PLD5: variants seen among roughly 807,000 people sequenced by gnomAD.
The protein encoded by PLD5 is phospholipase D family member 5.
In PLD5, 36 loss-of-function variants were observed where a neutral mutation model predicts 61.1. That is an observed-to-expected ratio of 0.59 (90% CI 0.45 to 0.78). PLD5 has a LOEUF of 0.78. Among genes scored for constraint, PLD5 ranks in the 30% least tolerant of loss-of-function variants. The pLI is 0.00. For synonymous variants in PLD5, 243 were observed against 242.8 expected, an observed-to-expected ratio of 1.00 and a Z score of -0.01; for missense variants, 515 against 644.4, an observed-to-expected ratio of 0.80 and a Z score of 2.17.
chr1:242,398,800 A>G (rs186790421), intron 1 of PLD5, among the ~76,000 whole-genome samples: 1 of 152,320 alleles, frequency 6.6e-6, no homozygotes, highest in East Asian at 1.9e-4. Context: ...TAGTTATTAA[A>G]ACGTCAGACT....
At chr1:242,411,242 T>TTTTGC (rs1664534108) in intron 1 of PLD5, among the ~76,000 whole-genome samples, 1 of 151,926 alleles carries the variant, frequency 6.6e-6, no homozygotes, top group Non-Finnish European at 1.5e-5. Context: ...TTTTGTTTTG[T>TTTTGC]TTTGTTTTTG....
chr1:242,183,707 A>G (rs574904579), intron 5 of PLD5, among the ~76,000 whole-genome samples: 244 of 152,302 alleles, frequency 1.6e-3, no homozygotes, highest in Non-Finnish European at 1.9e-3. Flanking sequence ...CATCTTGGCT[A>G]ACACGGTGAA....
intron 5 of PLD5, among the ~76,000 whole-genome samples, chr1:242,194,618 G>GTATCTATGTATCTATC (rs1668505608): frequency 9.7e-6 from 1 of 102,946 alleles, no homozygotes; most frequent in African/African-American, 3.9e-5. Flanking sequence ...ATCTATCTAT[G>GTATCTATGTATCTATC]TATCTATCTA....
chr1:242,168,845 A>ATTTTTTTTTTTTTT (rs1574439363), intron 5 of PLD5, among the ~76,000 whole-genome samples: 2 of 29,240 alleles, frequency 6.8e-5, no homozygotes, highest in African/African-American at 1.8e-4. Flanking sequence ...TAATTAATGA[A>ATTTTTTTTTTTTTT]GTTTTTTTTT....
intron 1 of PLD5, chr1:242,449,428 A>T: frequency 6.5e-7 from 1 of 1,535,846 alleles, no homozygotes; most frequent in Non-Finnish European, 8.7e-7. Flanking sequence ...TGCTTCCCAC[A>T]GCCTCTGGAG....
At chr1:242,475,954 G>A (rs79271472) in intron 1 of PLD5, among the ~76,000 whole-genome samples, 7,625 of 152,192 alleles carry the variant, frequency 0.05, 248 homozygotes, top group Middle Eastern at 0.061. Flanking sequence ...TGCCACCTCA[G>A]TCTTGGACTC....
chr1:242,465,940 G>T (rs1048019045), intron 1 of PLD5, among the ~76,000 whole-genome samples: 10 of 152,032 alleles, frequency 6.6e-5, no homozygotes, highest in African/African-American at 2.2e-4. Flanking sequence ...TGGAGGGAAA[G>T]AAAACAGAAA....
chr1:242,188,728 A>G (rs1260258176), intron 5 of PLD5: 1 of 152,230 alleles, frequency 6.6e-6, no homozygotes, highest in Non-Finnish European at 1.5e-5. Flanking sequence ...AGCTACTCAT[A>G]CACCCTTGAA....
intron 4 of PLD5, among the ~76,000 whole-genome samples, chr1:242,247,129 G>A (rs1464568243): frequency 4.6e-5 from 7 of 152,072 alleles, no homozygotes; most frequent in African/African-American, 1.2e-4. Flanking sequence ...GACTACAGGC[G>A]CCCGCCACCA....
intron 1 of PLD5, among the ~76,000 whole-genome samples, chr1:242,400,125 G>C (rs1663837476): frequency 6.6e-6 from 1 of 151,912 alleles, no homozygotes; most frequent in African/African-American, 2.4e-5. Context: ...CTGAGATGGT[G>C]CCATTGCACT....
chr1:242,113,268 T>C (rs1348748291), intron 7 of PLD5, among the ~76,000 whole-genome samples: 2 of 152,102 alleles, frequency 1.3e-5, no homozygotes, highest in East Asian at 3.9e-4. Context: ...TTTGTTTTTG[T>C]ATTTTTAGTG....
chr1:242,348,573 A>C (rs575940497), intron 1 of PLD5, among the ~76,000 whole-genome samples: 22 of 152,310 alleles, frequency 1.4e-4, no homozygotes, highest in African/African-American at 5.1e-4. Flanking sequence ...ATTAAAAATG[A>C]AACACATATG....
intron 1 of PLD5, among the ~76,000 whole-genome samples, chr1:242,407,179 G>A (rs772955147): frequency 6.6e-6 from 1 of 152,070 alleles, no homozygotes; most frequent in Non-Finnish European, 1.5e-5. Flanking sequence ...GAGTTTCCCT[G>A]CACAAGCTTT....
intron 1 of PLD5, among the ~76,000 whole-genome samples, chr1:242,494,979 A>G (rs898357552): frequency 1.1e-4 from 16 of 148,848 alleles, no homozygotes; most frequent in Admixed American, 8.1e-4. Flanking sequence ...GGGAGCCTGT[A>G]TGGTTATCTA....
intron 2 of PLD5, among the ~76,000 whole-genome samples, chr1:242,347,807 T>G (rs1464857737): frequency 6.6e-6 from 1 of 152,194 alleles, no homozygotes; most frequent in African/African-American, 2.4e-5. Flanking sequence ...TACAGGCTCA[T>G]CATGAACACC....
rs561444766 is a variant in PLD5 at position 242,166,027 on chromosome 1, G to C, written c.736-41362C>G. Reference sequence around the variant, plus strand: ...GACCCATTATGCTGTCCTTGCTCAGGATCCGTAAGTAAAAATCTTTGAACT... The same window carrying C: ...GACCCATTATGCTGTCCTTGCTCAGCATCCGTAAGTAAAAATCTTTGAACT... On this transcript the variant is annotated intron_variant, in intron 5 of 9. Transcript: ENST00000536534. Among the ~76,000 whole-genome samples the C allele has an allele frequency of 1.5e-4, 23 of 152,178 alleles. 1 individual carries two copies. The highest frequency in any genetic ancestry group is 1.3e-4 in the Admixed American group (2 of 15,282).
intron 5 of PLD5, among the ~76,000 whole-genome samples, chr1:242,169,418 A>G (rs917763966): frequency 6.6e-6 from 1 of 152,068 alleles, no homozygotes; most frequent in African/African-American, 2.4e-5. Context: ...CTGACACTGC[A>G]CTTTTCCCAT....
At chr1:242,289,721 C>G (rs1397851780) in intron 2 of PLD5, among the ~76,000 whole-genome samples, 3 of 152,122 alleles carry the variant, frequency 2.0e-5, no homozygotes, top group Admixed American at 2.0e-4. Context: ...TCCAGAACAC[C>G]GATTTGCATT....
At chr1:242,116,440 G>T (rs781323774) in intron 6 of PLD5, among the ~76,000 whole-genome samples, 3 of 152,128 alleles carry the variant, frequency 2.0e-5, no homozygotes, top group Non-Finnish European at 4.4e-5. Flanking sequence ...TTAGACTCAG[G>T]GGGTACAGGT....
Sources: allele counts gnomAD v4.1 joint callset (sites outside exome capture counted in the v4.1 genomes callset), GRCh38; gene constraint gnomAD v4.1.1; transcripts MANE v1.5; gene names NCBI Gene and HGNC (gene_info 2026-07-23, HGNC 2026-07-21).